The following ADGRB3 variants were observed in gnomAD, a reference collection of about 807,000 sequenced individuals.
The protein encoded by ADGRB3 is adhesion G protein-coupled receptor B3, also known as brain-specific angiogenesis inhibitor 3.
ADGRB3 carries 37 observed loss-of-function variants against 193.4 expected under a neutral mutation model. The observed-to-expected ratio is 0.19, with a 90% CI of 0.15 to 0.25. ADGRB3 has a LOEUF of 0.25. Ranked by LOEUF, ADGRB3 falls within the 10% of genes least tolerant of loss-of-function variation. The pLI, the probability that ADGRB3 is intolerant of heterozygous loss-of-function variation, is 1.00. For synonymous variants in ADGRB3, 690 were observed against 644.2 expected, an observed-to-expected ratio of 1.07 and a Z score of -1.08; for missense variants, 1,637 against 1,852.9, an observed-to-expected ratio of 0.88 and a Z score of 2.14.
At chr6:69,158,327 C>A (rs1774900092) in intron 17 of ADGRB3, among the ~76,000 whole-genome samples, 1 of 151,610 alleles carries the variant, frequency 6.6e-6, no homozygotes, top group South Asian at 2.1e-4. Flanking sequence ...TCTTCCTTCC[C>A]CCATCTCTCA....
chr6:68,982,235 C>G (rs531625485), intron 10 of ADGRB3, among the ~76,000 whole-genome samples: 1 of 152,126 alleles, frequency 6.6e-6, no homozygotes, highest in Admixed American at 6.5e-5. Flanking sequence ...CTTTTCATAT[C>G]CGGTAATATT....
intron 11 of ADGRB3, among the ~76,000 whole-genome samples, chr6:69,008,803 T>C (rs1031252325): frequency 3.3e-5 from 5 of 152,166 alleles, no homozygotes; most frequent in Admixed American, 3.3e-4. Flanking sequence ...TATGTATTTG[T>C]GCTCAAGGAT....
chr6:69,072,479 G>A (rs1772103295), intron 16 of ADGRB3, among the ~76,000 whole-genome samples: 1 of 152,024 alleles, frequency 6.6e-6, no homozygotes, highest in Non-Finnish European at 1.5e-5. Context: ...TTTCTTCAGG[G>A]TGATAAAAAG....
chr6:68,986,702 A>C (rs149975139), intron 10 of ADGRB3, among the ~76,000 whole-genome samples: 18 of 152,310 alleles, frequency 1.2e-4, no homozygotes, highest in African/African-American at 4.3e-4. Context: ...AAAAAGCTCT[A>C]TGTATAATTA....
At position 69,317,497 on chromosome 6, in the gene ADGRB3, C is replaced by A. The variant is rs1386348962; in HGVS notation, c.2815-7375C>A. 2.0e-5 allele frequency among the ~76,000 whole-genome samples: 3 copies of A among 151,484 alleles called. No homozygotes were observed. The East Asian group carries it at 5.8e-4, about 29-fold the overall frequency. On this transcript the variant is annotated intron_variant, in intron 20 of 31. Coordinates refer to ENST00000370598, the MANE Select transcript of ADGRB3 (RefSeq NM_001704.3). ...TAGAGAAGGAAACACAAAGTTTCAG[C>A]TATTCTGTACGTCGATTTTTCAACC...
Position 69,116,989 on chromosome 6 carries a change from G to A in ADGRB3, c.2480+40951G>A, listed in dbSNP as rs546870717. On this transcript the variant is annotated intron_variant, in intron 17 of 31. Coordinates refer to ENST00000370598, the MANE Select transcript of ADGRB3 (RefSeq NM_001704.3). ...CAGCTAAGCCCTGCTTACTTCAGAA[G>A]TTAAAGCCCTGAAGATACTTCCTCT... Among the ~76,000 whole-genome samples, 18 of 152,222 alleles carry A rather than the reference G, an allele frequency of 1.2e-4. 1 individual carries two copies. In the South Asian group the frequency reaches 3.3e-3, roughly 28 times the overall value.
intron 3 of ADGRB3, among the ~76,000 whole-genome samples, chr6:68,661,900 C>T (rs1041473427): frequency 9.3e-5 from 14 of 151,202 alleles, no homozygotes; most frequent in Non-Finnish European, 1.8e-4. Flanking sequence ...AAATTGATTA[C>T]AACAGAAGTA....
chr6:68,669,799 A>G (rs3121775), intron 3 of ADGRB3, among the ~76,000 whole-genome samples: 98,741 of 151,628 alleles, frequency 0.65, 32,994 homozygotes, highest in African/African-American at 0.8. Flanking sequence ...TATATACCCA[A>G]CAGTGAATAT....
chr6:68,975,090 A>T, intron 9 of ADGRB3, 144 bp from the exon 10 acceptor site: 1 of 709,758 alleles, frequency 1.4e-6, no homozygotes, highest in Non-Finnish European at 2.3e-6. Context: ...TATGCATTAT[A>T]AAAATAATCA....
Position 69,048,280 on chromosome 6 carries a change from T to G in ADGRB3, c.2203T>G (p.Ser735Ala). ...RKGMVDWARNSEDRVVIPKSI... is the reference protein window; with the variant it reads ...RKGMVDWARNAEDRVVIPKSI... Reference sequence around the variant, plus strand: ...GGGAATGGTTGACTGGGCAAGAAACTCAGAAGATAGGGTAGTAATTCCAAA... The same window carrying G: ...GGGAATGGTTGACTGGGCAAGAAACGCAGAAGATAGGGTAGTAATTCCAAA... The change falls in exon 14 of 32, where the codon TCA (serine) becomes GCA (alanine). Residue 735 changes from serine to alanine, a missense_variant. By Grantham distance (99) the Ser-to-Ala change is moderately conservative. Coordinates refer to ENST00000370598, the MANE Select transcript of ADGRB3 (RefSeq NM_001704.3). The G allele has an allele frequency of 6.2e-7, 1 of 1,613,632 alleles. No individual in the cohort carries two copies. The highest frequency in any genetic ancestry group is 1.1e-5 in the South Asian group (1 of 91,068).
At chr6:68,878,769 C>A (rs1582277271) in intron 3 of ADGRB3, among the ~76,000 whole-genome samples, 1 of 152,204 alleles carries the variant, frequency 6.6e-6, no homozygotes, top group Non-Finnish European at 1.5e-5. Context: ...GGGCAATTTA[C>A]AAAAGAAAGA....
rs114216751 is a variant in ADGRB3, at chr6:68,961,553, T to C, written c.1525+4744T>C. ...GGTTCCAGTTAGTAGAATAGTGAAC[T>C]AATCACTACTGATACAAATATTTTT... On this transcript the variant is annotated intron_variant, in intron 8 of 31. Coordinates refer to ENST00000370598, the MANE Select transcript of ADGRB3 (RefSeq NM_001704.3). Among the ~76,000 whole-genome samples, 461 of 152,304 alleles carry C rather than the reference T, an allele frequency of 3.0e-3. 1 individual carries two copies. Among genetic ancestry groups the C allele is most frequent in the African/African-American group, 0.01 (426 of 41,570 alleles).
intron 17 of ADGRB3, among the ~76,000 whole-genome samples, chr6:69,204,391 A>G (rs563795744): frequency 2.0e-4 from 31 of 152,240 alleles, no homozygotes; most frequent in African/African-American, 7.2e-4. Context: ...ATTGAACCAT[A>G]TATGTGCCAA....
At chr6:68,866,147 G>T (rs1765292813) in intron 3 of ADGRB3, among the ~76,000 whole-genome samples, 1 of 152,036 alleles carries the variant, frequency 6.6e-6, no homozygotes, top group Non-Finnish European at 1.5e-5. Flanking sequence ...ACATGGTTTG[G>T]CTCTGTGTCC....
chr6:69,315,105 A>G (rs181743663), intron 20 of ADGRB3, among the ~76,000 whole-genome samples: 30 of 151,700 alleles, frequency 2.0e-4, no homozygotes, highest in Non-Finnish European at 1.5e-5. Flanking sequence ...TGTCACACAC[A>G]TACTTTTTAT....
intron 3 of ADGRB3, among the ~76,000 whole-genome samples, chr6:68,640,970 G>A (rs1392654815): frequency 6.6e-6 from 1 of 152,128 alleles, no homozygotes; most frequent in Non-Finnish European, 1.5e-5. Context: ...GTTATTTTCT[G>A]TAGTAAAAAA....
intron 3 of ADGRB3, among the ~76,000 whole-genome samples, chr6:68,775,567 G>A (rs1302511080): frequency 6.6e-6 from 1 of 152,110 alleles, no homozygotes; most frequent in African/African-American, 2.4e-5. Context: ...AAGGTTAAAT[G>A]AGTTAATACT....
At chr6:69,060,200 T>TC (rs1771691857) in intron 15 of ADGRB3, among the ~76,000 whole-genome samples, 1 of 84,226 alleles carries the variant, frequency 1.2e-5, no homozygotes, top group African/African-American at 6.3e-5. Flanking sequence ...CTCTCTCTCT[T>TC]TCTCTGTCTC....
At chr6:68,948,586 G>C (rs1177104483) in intron 6 of ADGRB3, among the ~76,000 whole-genome samples, 1 of 152,024 alleles carries the variant, frequency 6.6e-6, no homozygotes, top group African/African-American at 2.4e-5. Context: ...GAAGTTTTAT[G>C]CTAATTTTCT....
Sources: allele counts gnomAD v4.1 joint callset (sites outside exome capture counted in the v4.1 genomes callset), GRCh38; gene constraint gnomAD v4.1.1; transcripts MANE v1.5; gene names NCBI Gene and HGNC (gene_info 2026-07-23, HGNC 2026-07-21).